Variants in DRD2 observed in about 807,000 individuals in gnomAD.
The protein encoded by DRD2 is dopamine receptor D2, also known as D(2) dopamine receptor.
DRD2 carries 8 observed loss-of-function variants against 38.0 expected under a neutral mutation model. That is an observed-to-expected ratio of 0.21 (90% CI 0.12 to 0.38). DRD2 has a LOEUF of 0.38. Ranked by LOEUF, DRD2 falls within the 10% of genes least tolerant of loss-of-function variation. DRD2 has a pLI of 1.00. For missense variants in DRD2, 403 were observed against 607.7 expected, an observed-to-expected ratio of 0.66 and a Z score of 3.54; for synonymous variants, 230 against 238.6, an observed-to-expected ratio of 0.96 and a Z score of 0.33.
chr11:113,423,627 G>C (rs1950907038), intron 2 of DRD2, among the ~76,000 whole-genome samples: 1 of 152,216 alleles, frequency 6.6e-6, no homozygotes, highest in African/African-American at 2.4e-5. Context: ...GGGTTACCAA[G>C]AGTATTCACT....
At chr11:113,456,644 G>A (rs1046692777) in intron 1 of DRD2, among the ~76,000 whole-genome samples, 2 of 152,082 alleles carry the variant, frequency 1.3e-5, no homozygotes, top group African/African-American at 4.8e-5. Flanking sequence ...AAGGGAAATA[G>A]GCCAGGCAGA....
chr11:113,436,495 A>G (rs866907130), intron 1 of DRD2, among the ~76,000 whole-genome samples: 2 of 152,332 alleles, frequency 1.3e-5, no homozygotes, highest in Middle Eastern at 3.4e-3. Flanking sequence ...TTTTTATGAT[A>G]TTCAGAATTA....
chr11:113,449,462 TGTGCTACACAA>T (rs567999301), intron 1 of DRD2, among the ~76,000 whole-genome samples: 60 of 152,322 alleles, frequency 3.9e-4, no homozygotes, highest in Admixed American at 1.3e-4. Flanking sequence ...GTCAAGCACC[TGTGCTACACAA>T]GTGAGTTGGG....
At chr11:113,412,915 C>T in intron 6 of DRD2, 32 bp from the exon 7 acceptor site, 1 of 1,595,812 alleles carries the variant, frequency 6.3e-7, no homozygotes. Flanking sequence ...CTGGGTAAAG[C>T]CGGACAAGTT....
intron 1 of DRD2, among the ~76,000 whole-genome samples, chr11:113,448,318 C>G (rs1037873700): frequency 2.6e-5 from 4 of 152,152 alleles, no homozygotes; most frequent in African/African-American, 9.7e-5. Flanking sequence ...TGGAAGGAAC[C>G]AGGCAGCAAC....
At position 113,424,505 on chromosome 11, in the gene DRD2, G is replaced by A. The variant is rs1950919296; in HGVS notation, c.147C>T (p.Val49=). Residue 49 remains valine (V), a synonymous_variant, in exon 2 of 8, where the codon GTC becomes GTT. Coordinates refer to ENST00000362072, the MANE Select transcript of DRD2 (RefSeq NM_000795.4). ...CCATGCACACCAGCACGTTGCCGAAGACGATGACAGCGATGAGCAGGGTGA... is the reference window on the plus strand; with the variant it reads ...CCATGCACACCAGCACGTTGCCGAAAACGATGACAGCGATGAGCAGGGTGA... ...TLLTLLIAVI[V]FGNVLVCMAV... is the part of the protein sequence containing the mutation. 1 of 1,614,140 alleles carries A rather than the reference G, an allele frequency of 6.2e-7. No individual in the cohort carries two copies. The highest frequency in any genetic ancestry group is 8.5e-7 in the Non-Finnish European group (1 of 1,180,052).
At chr11:113,450,170 AC>A (rs5794865) in intron 1 of DRD2, 92 of 153,452 alleles carry the variant, frequency 6.0e-4, no homozygotes, top group African/African-American at 2.1e-3. Flanking sequence ...AGAAATTGGA[AC>A]TTTTATTTGA....
At chr11:113,459,272 C>T (rs543404512) in intron 1 of DRD2, among the ~76,000 whole-genome samples, 1 of 152,258 alleles carries the variant, frequency 6.6e-6, no homozygotes, top group African/African-American at 2.4e-5. Context: ...GGCAAGAAAG[C>T]ATCTGCTTGA....
intron 1 of DRD2, among the ~76,000 whole-genome samples, chr11:113,465,808 C>A (rs1951363729): frequency 6.6e-6 from 1 of 152,204 alleles, no homozygotes; most frequent in African/African-American, 2.4e-5. Context: ...GCAATGGTGT[C>A]TTTCTTCCCT....
At chr11:113,431,588 C>T (rs115140713) in intron 1 of DRD2, among the ~76,000 whole-genome samples, 2,102 of 152,324 alleles carry the variant, frequency 0.014, 56 homozygotes, top group African/African-American at 0.048. Context: ...CATTCTAGTG[C>T]TCAGGACCCC....
rs577191429 is a variant in DRD2, at chr11:113,447,377, C to G, written c.-31-22695G>C. Among the ~76,000 whole-genome samples the G allele has an allele frequency of 3.3e-5, 5 of 151,958 alleles. No homozygotes were observed. In the South Asian group the frequency reaches 1.0e-3, roughly 32 times the overall value. Reference sequence around the variant, plus strand: ...TGAATTTGCAGTTTCTGGCACACCCCTGTTACACAGAATGCTTGGTATGGG... The same window carrying G: ...TGAATTTGCAGTTTCTGGCACACCCGTGTTACACAGAATGCTTGGTATGGG... On this transcript the variant is annotated intron_variant, in intron 1 of 7. Transcript: ENST00000362072.
chr11:113,432,416 C>T (rs1415836803), intron 1 of DRD2, among the ~76,000 whole-genome samples: 1 of 152,018 alleles, frequency 6.6e-6, no homozygotes, highest in Non-Finnish European at 1.5e-5. Context: ...GCAGCATAAA[C>T]CCCAGCAACG....
At chr11:113,452,647 CTTTT>C (rs36152573) in intron 1 of DRD2, among the ~76,000 whole-genome samples, 1 of 138,174 alleles carries the variant, frequency 7.2e-6, no homozygotes, top group African/African-American at 2.7e-5. Context: ...CAGTCCCCAT[CTTTT>C]TTTTTTTTTT....
At chr11:113,467,760 T>C (rs1167753571) in intron 1 of DRD2, among the ~76,000 whole-genome samples, 1 of 152,182 alleles carries the variant, frequency 6.6e-6, no homozygotes, top group East Asian at 1.9e-4. Flanking sequence ...TTATGCCTCT[T>C]CCTAGCTCAT....
intron 1 of DRD2, among the ~76,000 whole-genome samples, chr11:113,472,572 C>G (rs117627552): frequency 6.6e-6 from 1 of 152,198 alleles, no homozygotes; most frequent in African/African-American, 2.4e-5. Context: ...TCATTACTAG[C>G]CTTTTTACCC....
Position 113,439,318 on chromosome 11 carries a change from G to T in DRD2, c.-31-14636C>A, listed in dbSNP as rs200650558. On this transcript the variant is annotated intron_variant, in intron 1 of 7. Transcript: ENST00000362072. ...GCTGGAGGAAGCTGACAGTGACGGT[G>T]CTCCTTTGAACAGCCTAAAACAGGA... Among the ~76,000 whole-genome samples, 6 of 152,272 alleles carry T rather than the reference G, an allele frequency of 3.9e-5. No homozygotes were observed. In the East Asian group the frequency reaches 1.2e-3, roughly 29 times the overall value.
intron 1 of DRD2, among the ~76,000 whole-genome samples, chr11:113,444,095 G>A (rs1310286103): frequency 6.6e-6 from 1 of 152,160 alleles, no homozygotes; most frequent in African/African-American, 2.4e-5. Context: ...GAGTGCAGTG[G>A]CACAATTTCG....
At chr11:113,455,398 G>A (rs1175282450) in intron 1 of DRD2, among the ~76,000 whole-genome samples, 2 of 151,940 alleles carry the variant, frequency 1.3e-5, no homozygotes, top group Non-Finnish European at 2.9e-5. Flanking sequence ...TGTCGATTTG[G>A]CAATTATTTT....
intron 1 of DRD2, among the ~76,000 whole-genome samples, chr11:113,456,305 GT>G (rs1951267922): frequency 6.6e-6 from 1 of 152,192 alleles, no homozygotes; most frequent in Non-Finnish European, 1.5e-5. Flanking sequence ...GGTTGACTAA[GT>G]TTTAATTAGG....
Sources: allele counts gnomAD v4.1 joint callset (sites outside exome capture counted in the v4.1 genomes callset), GRCh38; gene constraint gnomAD v4.1.1; transcripts MANE v1.5; gene names NCBI Gene and HGNC (gene_info 2026-07-23, HGNC 2026-07-21).